GFPT1: variants seen among roughly 807,000 people sequenced by gnomAD.
The protein encoded by GFPT1 is glutamine--fructose-6-phosphate transaminase 1.
A neutral mutation model predicts 92.0 loss-of-function variants in GFPT1; 40 were observed. That is an observed-to-expected ratio of 0.43 (90% CI 0.34 to 0.57). The LOEUF (loss-of-function observed/expected upper bound fraction) is 0.57, where lower values mean the gene tolerates loss of function less well. Ranked by LOEUF, GFPT1 falls within the 20% of genes least tolerant of loss-of-function variation. The probability of loss-of-function intolerance (pLI) is 0.02; values close to 1 mark genes in which losing one functional copy is unlikely to be tolerated. For synonymous variants in GFPT1, 269 were observed against 280.6 expected (o/e 0.96, Z 0.41); for missense variants, 448 against 869.1 (o/e 0.52, Z 6.09).
rs1183572707 is a variant in GFPT1, at chr2:69,323,714, T to C, written c.*2475A>G. 3 of 149,946 alleles carry C rather than the reference T, an allele frequency of 2.0e-5. No individual in the cohort carries two copies. The highest frequency in any genetic ancestry group is 7.4e-5 in the African/African-American group (3 of 40,430). The allele number at this position is 149,946 out of a possible 1,614,324, so 9.3% of individuals were successfully genotyped here. ...TTTTTTTTGAGAGAGTCTTGCTCTG[T>C]CGCCAGGCTGGAGTGTAGTGGCGTG... On this transcript the variant is annotated 3_prime_UTR_variant, in exon 20 of 20. Transcript: ENST00000357308.
In GFPT1 at chr2:69,376,429, T is replaced by C. The variant is rs147760209; in HGVS notation, c.8-2316A>G. On this transcript the variant is annotated intron_variant, in intron 1 of 19. Transcript: ENST00000357308. ...GTAGGCTGAGACGGGGAGAATCACT[T>C]GAACCCTTGAACCCAGGAGGCGGAG... 4.7e-4 allele frequency among the ~76,000 whole-genome samples: 72 copies of C among 152,028 alleles called. 2 individuals are homozygous for C. In the East Asian group the frequency reaches 0.013, roughly 28 times the overall value.
chr2:69,363,035 C>G (rs536496409), intron 4 of GFPT1, among the ~76,000 whole-genome samples: 3 of 151,982 alleles, frequency 2.0e-5, no homozygotes, highest in African/African-American at 4.8e-5. Context: ...CACTTGAGGT[C>G]AGGAGTTCAA....
chr2:69,347,202 C>T (rs999552634), intron 11 of GFPT1, among the ~76,000 whole-genome samples: 2 of 150,850 alleles, frequency 1.3e-5, no homozygotes, highest in Admixed American at 6.6e-5. Flanking sequence ...TGAGCCAGTG[C>T]ACCTGGACTT....
chr2:69,365,683 C>T (rs1671593666), intron 3 of GFPT1, among the ~76,000 whole-genome samples: 2 of 152,196 alleles, frequency 1.3e-5, no homozygotes, highest in African/African-American at 4.8e-5. Context: ...TAAACTCAGG[C>T]ATCTATTCTT....
intron 7 of GFPT1, among the ~76,000 whole-genome samples, chr2:69,356,061 G>A (rs1259717225): frequency 7.4e-6 from 1 of 135,948 alleles, no homozygotes; most frequent in East Asian, 2.2e-4. Flanking sequence ...GCACGATCTC[G>A]GCTCACTGAA....
At chr2:69,354,849 T>C (rs1671297437) in intron 7 of GFPT1, among the ~76,000 whole-genome samples, 1 of 152,066 alleles carries the variant, frequency 6.6e-6, no homozygotes, top group Non-Finnish European at 1.5e-5. Flanking sequence ...AAACCCCGTC[T>C]CCTAATTAGC....
rs775931351 is a variant in GFPT1, at chr2:69,370,085, C to A, written c.139G>T (p.Asp47Tyr). Residue 47 changes from aspartate to tyrosine, a missense_variant, in exon 3 of 20, where the codon GAT becomes TAT. Physicochemically the swap from Asp to Tyr is radical, Grantham distance 160 (BLOSUM62 -3). Transcript: ENST00000357308. ...CAGGCATTGGCTTCCCAATCTTTAT[C>A]ATTGCCTCCATCAAATCCCACACCT... Reference protein sequence around the residue: ...SAGVGFDGGNDKDWEANACKI... With the variant: ...SAGVGFDGGNYKDWEANACKI... The A allele has an allele frequency of 6.2e-7, 1 of 1,609,242 alleles. No homozygotes were observed. Among genetic ancestry groups the A allele is most frequent in the East Asian group, 2.2e-5 (1 of 44,838 alleles).
rs1412384138 is a variant in GFPT1 at position 69,321,207 on chromosome 2, A to T, written c.*4982T>A. 1 of 152,196 alleles carries T rather than the reference A, an allele frequency of 6.6e-6. No homozygotes were observed. Among genetic ancestry groups the T allele is most frequent in the Non-Finnish European group, 1.5e-5 (1 of 68,036 alleles). 9.4% of individuals were successfully genotyped at this position (152,196 alleles called of 1,614,324 possible). ...ATACCCCGTAAACTTCCTATAAACAATATGTTATTGCAAAATGTTTTAAAA... is the reference window on the plus strand; with the variant it reads ...ATACCCCGTAAACTTCCTATAAACATTATGTTATTGCAAAATGTTTTAAAA... On this transcript the variant is annotated 3_prime_UTR_variant, in exon 20 of 20. Coordinates refer to ENST00000357308, the MANE Select transcript of GFPT1 (RefSeq NM_001244710.2).
rs1670619932 is a variant in GFPT1, at chr2:69,329,901, C to T, written c.1483-103G>A. On this transcript the variant is annotated intron_variant, in intron 15 of 19. Coordinates refer to ENST00000357308, the MANE Select transcript of GFPT1 (RefSeq NM_001244710.2). Reference sequence around the variant, plus strand: ...GAAAATAAAATTCCCATTGGTTTTACAGTATATATTCTCTATCTCTTAAAA... The same window carrying T: ...GAAAATAAAATTCCCATTGGTTTTATAGTATATATTCTCTATCTCTTAAAA... 3 of 748,522 alleles carry T rather than the reference C, an allele frequency of 4.0e-6. No homozygotes were observed. The African/African-American group carries it at 5.2e-5, about 13-fold the overall frequency. The allele number at this position is 748,522 out of a possible 1,614,324, so 46.4% of individuals were successfully genotyped here.
chr2:69,373,069 G>A (rs949169687), intron 2 of GFPT1, among the ~76,000 whole-genome samples: 1 of 152,228 alleles, frequency 6.6e-6, no homozygotes, highest in Non-Finnish European at 1.5e-5. Flanking sequence ...CTTAGGCACT[G>A]ATCCACTGGT....
chr2:69,327,066 C>T lies in GFPT1; in HGVS notation c.1903G>A (p.Val635Met), dbSNP rs770769786. Residue 635 changes from valine to methionine, a missense_variant, in exon 19 of 20, where the codon GTG (valine) becomes ATG (methionine). Coordinates refer to ENST00000357308, the MANE Select transcript of GFPT1 (RefSeq NM_001244710.2). ...QQVVARQGRPVVICDKEDTET... is the reference protein window; with the variant it reads ...QQVVARQGRPMVICDKEDTET... ...GTATCCTCCTTATCACAAATTACCA[C>T]AGGCCGCCCCTAGGAAAGAAAATCA... The T allele has an allele frequency of 7.4e-6, 12 of 1,613,928 alleles. No homozygotes were observed. Among genetic ancestry groups the T allele is most frequent in the Non-Finnish European group, 1.7e-6 (2 of 1,179,962 alleles).
intron 3 of GFPT1, among the ~76,000 whole-genome samples, chr2:69,367,604 G>A (rs201100732): frequency 2.6e-5 from 4 of 152,180 alleles, no homozygotes; most frequent in East Asian, 1.9e-4. Flanking sequence ...CAGGCAATCC[G>A]CCCACCTCGG....
chr2:69,369,792 G>A (rs906974273), intron 3 of GFPT1, among the ~76,000 whole-genome samples: 2 of 152,144 alleles, frequency 1.3e-5, no homozygotes, highest in African/African-American at 4.8e-5. Context: ...TCCTTCCCTA[G>A]TTGCAATGAT....
At chr2:69,359,196 C>A in intron 5 of GFPT1, 72 bp downstream of exon 5, 2 of 830,478 alleles carry the variant, frequency 2.4e-6, no homozygotes, top group Non-Finnish European at 4.3e-6. Flanking sequence ...TTGCACATCC[C>A]AACAACCGAC....
Position 69,341,339 on chromosome 2 carries a change from G to A in GFPT1, c.1203+813C>T, listed in dbSNP as rs559760776. Among the ~76,000 whole-genome samples the A allele has an allele frequency of 9.9e-5, 15 of 152,200 alleles. No homozygotes were observed. The South Asian group carries it at 2.9e-3, about 29-fold the overall frequency. Reference sequence around the variant, plus strand: ...ATATAATTTTGGGGGAGGAGGGGAGGAGGTATTTGGTGTAGTCTTAGAAAA... The same window carrying A: ...ATATAATTTTGGGGGAGGAGGGGAGAAGGTATTTGGTGTAGTCTTAGAAAA... On this transcript the variant is annotated intron_variant, in intron 13 of 19. Transcript: ENST00000357308.
rs140186990 is a variant in GFPT1, at chr2:69,340,788, C to T, written c.1203+1364G>A. Among the ~76,000 whole-genome samples, 167 of 152,238 alleles carry T rather than the reference C, an allele frequency of 1.1e-3. 2 individuals carry two copies. Among genetic ancestry groups the T allele is most frequent in the African/African-American group, 3.9e-3 (161 of 41,548 alleles). On this transcript the variant is annotated intron_variant, in intron 13 of 19. Coordinates refer to ENST00000357308, the MANE Select transcript of GFPT1 (RefSeq NM_001244710.2). ...AGTAGTCTTGGCATCCACAAAACAACAAAAAATCTTACATTAGAGAATTCT... is the reference window on the plus strand; with the variant it reads ...AGTAGTCTTGGCATCCACAAAACAATAAAAAATCTTACATTAGAGAATTCT...
At chr2:69,375,889 G>C (rs181567845) in intron 1 of GFPT1, among the ~76,000 whole-genome samples, 1 of 152,194 alleles carries the variant, frequency 6.6e-6, no homozygotes, top group Admixed American at 6.5e-5. Context: ...GAGTGGTAGC[G>C]GCACAGCAAT....
At chr2:69,380,961 G>A (rs1671994275) in intron 1 of GFPT1, among the ~76,000 whole-genome samples, 1 of 151,834 alleles carries the variant, frequency 6.6e-6, no homozygotes, top group Admixed American at 6.6e-5. Context: ...ATTTTTGGTA[G>A]ATTCTTACTT....
At chr2:69,381,310 T>G (rs1672003170) in intron 1 of GFPT1, among the ~76,000 whole-genome samples, 1 of 152,138 alleles carries the variant, frequency 6.6e-6, no homozygotes, top group South Asian at 2.1e-4. Context: ...TTTCTTTTTT[T>G]GTTTTTAAAA....
Sources: allele counts gnomAD v4.1 joint callset (sites outside exome capture counted in the v4.1 genomes callset), GRCh38; gene constraint gnomAD v4.1.1; transcripts MANE v1.5; gene names NCBI Gene and HGNC (gene_info 2026-07-23, HGNC 2026-07-21).